Variants in EHHADH observed in about 807,000 individuals in gnomAD.
The protein encoded by EHHADH is enoyl-CoA hydratase and 3-hydroxyacyl CoA dehydrogenase, also known as peroxisomal bifunctional enzyme.
Under a neutral mutation model 64.4 loss-of-function variants are expected in EHHADH, and 48 were observed. That is an observed-to-expected ratio of 0.75 (90% CI 0.59 to 0.95). EHHADH has a LOEUF of 0.95. Ranked by LOEUF, EHHADH falls within the 40% of genes least tolerant of loss-of-function variation. The pLI, the probability that EHHADH is intolerant of heterozygous loss-of-function variation, is 0.00. For missense variants in EHHADH, 854 were observed against 876.6 expected, an observed-to-expected ratio of 0.97 and a Z score of 0.33; for synonymous variants, 308 against 326.7, an observed-to-expected ratio of 0.94 and a Z score of 0.62.
intron 2 of EHHADH, among the ~76,000 whole-genome samples, chr3:185,243,610 AGT>A (rs1719514610): frequency 6.6e-6 from 1 of 152,158 alleles, no homozygotes; most frequent in African/African-American, 2.4e-5. Flanking sequence ...TTCAGGAGCA[AGT>A]TGTTTAGTTC....
chr3:185,243,530 T>G (rs1719512742), intron 2 of EHHADH, among the ~76,000 whole-genome samples: 1 of 152,208 alleles, frequency 6.6e-6, no homozygotes, highest in African/African-American at 2.4e-5. Flanking sequence ...CAACATTAGG[T>G]TGTGACTTTA....
At chr3:185,245,493 GC>G in intron 2 of EHHADH, 7 of 1,056,394 alleles carry the variant, frequency 6.6e-6, no homozygotes, top group Non-Finnish European at 9.8e-6. Context: ...GTGCTCGCTT[GC>G]CCATGACAGT....
At chr3:185,199,017 A>C (rs1236824682) in intron 6 of EHHADH, among the ~76,000 whole-genome samples, 1 of 152,182 alleles carries the variant, frequency 6.6e-6, no homozygotes. Context: ...TCCATTCCAT[A>C]TGGTAAAGTA....
intron 5 of EHHADH, among the ~76,000 whole-genome samples, chr3:185,207,264 G>C (rs1049420329): frequency 2.6e-5 from 4 of 151,650 alleles, no homozygotes; most frequent in Admixed American, 1.3e-4. Context: ...CTGCAGCCTG[G>C]GTGACAGAGT....
chr3:185,204,466 G>A lies in EHHADH; in HGVS notation c.860C>T (p.Ala287Val). The change falls in exon 6 of 7, where the codon GCA becomes GTA. Residue 287 changes from alanine to valine, a missense_variant. Ala to Val is a moderately conservative substitution (Grantham distance 64). Transcript: ENST00000231887. ...CCGCGCTGATGCTGTTTTCCACGAT[G>A]CTCCGGAGGGAGTTGACCACTTATT... ...KANKWSTPSGASWKTASARPV... is the reference protein window; with the variant it reads ...KANKWSTPSGVSWKTASARPV... 1 of 1,613,688 alleles carries A rather than the reference G, an allele frequency of 6.2e-7. No homozygotes were observed. The highest frequency in any genetic ancestry group is 8.5e-7 in the Non-Finnish European group (1 of 1,179,850).
In EHHADH at chr3:185,247,243, T is replaced by C. The variant is rs537236190; in HGVS notation, c.178+1171A>G. Among the ~76,000 whole-genome samples the C allele has an allele frequency of 3.9e-5, 6 of 152,324 alleles. No individual in the cohort carries two copies. The South Asian group carries it at 8.3e-4, about 21-fold the overall frequency. On this transcript the variant is annotated intron_variant, in intron 2 of 6. Transcript: ENST00000231887. The stretch of plus-strand genomic sequence containing the variant: ...TTAAGTCAAGTTTCATAATCCCTAA[T>C]ACTTTTTTAGAAGAATAATTTTTTC...
intron 2 of EHHADH, among the ~76,000 whole-genome samples, chr3:185,235,678 G>A (rs1437446052): frequency 6.6e-6 from 1 of 152,066 alleles, no homozygotes; most frequent in African/African-American, 2.4e-5. Flanking sequence ...AGAATGCTAT[G>A]AGAGAAAATC....
chr3:185,209,684 T>C (rs964088942), intron 5 of EHHADH, among the ~76,000 whole-genome samples: 1 of 152,220 alleles, frequency 6.6e-6, no homozygotes, highest in Non-Finnish European at 1.5e-5. Context: ...GTAATATAGA[T>C]ATATTGTATA....
intron 6 of EHHADH, among the ~76,000 whole-genome samples, chr3:185,200,480 T>C (rs1012473161): frequency 3.3e-5 from 5 of 152,198 alleles, no homozygotes; most frequent in Non-Finnish European, 5.9e-5. Context: ...TCCTAAACTT[T>C]AGCTTTGATA....
intron 5 of EHHADH, among the ~76,000 whole-genome samples, chr3:185,214,535 A>C: frequency 6.6e-6 from 1 of 152,156 alleles, no homozygotes; most frequent in Non-Finnish European, 1.5e-5. Flanking sequence ...ATATTAGGAA[A>C]AGATAAATTT....
chr3:185,209,464 C>G (rs1441907432), intron 5 of EHHADH, among the ~76,000 whole-genome samples: 1 of 152,144 alleles, frequency 6.6e-6, no homozygotes, highest in Non-Finnish European at 1.5e-5. Context: ...CTATAATGTA[C>G]TGGCATCTCT....
intron 6 of EHHADH, among the ~76,000 whole-genome samples, chr3:185,198,987 G>A (rs1644546896): frequency 1.3e-5 from 2 of 152,022 alleles, no homozygotes; most frequent in Admixed American, 1.3e-4. Context: ...ATTTAGCGGT[G>A]GAAAGAGGAA....
intron 5 of EHHADH, among the ~76,000 whole-genome samples, 166 bp from the exon 6 acceptor site, chr3:185,204,923 T>C (rs1410887540): frequency 6.6e-6 from 1 of 152,214 alleles, no homozygotes; most frequent in Non-Finnish European, 1.5e-5. Flanking sequence ...ATCTCTGATA[T>C]CTTTGCAACA....
intron 6 of EHHADH, among the ~76,000 whole-genome samples, chr3:185,197,941 T>C (rs1329905769): frequency 6.6e-6 from 1 of 151,134 alleles, no homozygotes; most frequent in Non-Finnish European, 1.5e-5. Context: ...GGATTACAGG[T>C]GTGCACCACC....
intron 2 of EHHADH, among the ~76,000 whole-genome samples, chr3:185,245,218 G>A (rs544382294): frequency 6.6e-6 from 1 of 151,998 alleles, no homozygotes; most frequent in Admixed American, 6.6e-5. Flanking sequence ...GTCTATGAAC[G>A]ATTTTAAAAA....
chr3:185,244,629 G>A (rs549212628), intron 2 of EHHADH, among the ~76,000 whole-genome samples: 6 of 152,276 alleles, frequency 3.9e-5, no homozygotes, highest in African/African-American at 1.4e-4. Flanking sequence ...AGGTCATGCT[G>A]AGTTAGGGTG....
intron 5 of EHHADH, among the ~76,000 whole-genome samples, chr3:185,207,989 T>G (rs1016085426): frequency 1.3e-5 from 2 of 152,218 alleles, no homozygotes; most frequent in Non-Finnish European, 2.9e-5. Flanking sequence ...TCGACATCAT[T>G]AGTCATTAAG....
In EHHADH at chr3:185,229,426, A is replaced by T. The variant is rs775177936; in HGVS notation, c.463+6T>A. 2 of 1,505,060 alleles carry T rather than the reference A, an allele frequency of 1.3e-6. No homozygotes were observed. Among genetic ancestry groups the T allele is most frequent in the Non-Finnish European group, 1.8e-6 (2 of 1,116,284 alleles). 93.2% of individuals were successfully genotyped at this position (1,505,060 alleles called of 1,614,324 possible). On this transcript the variant is annotated splice_donor_region_variant and intron_variant, in intron 4 of 6. Coordinates refer to ENST00000231887, the MANE Select transcript of EHHADH (RefSeq NM_001966.4). Reference sequence around the variant, plus strand: ...CTAGACAGTTGTTGCCAAGGTCTATACTGACCTGAGGTAATTAAGTCAAGT... The same window carrying T: ...CTAGACAGTTGTTGCCAAGGTCTATTCTGACCTGAGGTAATTAAGTCAAGT...
At chr3:185,220,604 G>A (rs1718807953) in intron 4 of EHHADH, among the ~76,000 whole-genome samples, 1 of 152,130 alleles carries the variant, frequency 6.6e-6, no homozygotes, top group African/African-American at 2.4e-5. Flanking sequence ...ATGCATAGCT[G>A]GACTTTTATC....
Sources: allele counts gnomAD v4.1 joint callset (sites outside exome capture counted in the v4.1 genomes callset), GRCh38; gene constraint gnomAD v4.1.1; transcripts MANE v1.5; gene names NCBI Gene and HGNC (gene_info 2026-07-23, HGNC 2026-07-21).